Variants in SNTG1 observed in about 807,000 individuals in gnomAD.
SNTG1 encodes the protein gamma-1-syntrophin.
SNTG1 carries 39 observed loss-of-function variants against 74.7 expected under a neutral mutation model. The ratio of observed to expected loss-of-function variants is 0.52; its 90% CI spans 0.40 to 0.68. SNTG1 has a LOEUF of 0.68. SNTG1 is among the 30% of genes least tolerant of loss of function. SNTG1 has a pLI of 0.00. For synonymous variants in SNTG1, 254 were observed against 217.1 expected (o/e 1.17, Z -1.49); for missense variants, 685 against 609.5 (o/e 1.12, Z -1.30).
Position 50,792,980 on chromosome 8 carries a change from C to T in SNTG1, c.*151C>T. 1.4e-6 allele frequency: 1 copy of T among 691,064 alleles called. No individual in the cohort carries two copies. Among genetic ancestry groups the T allele is most frequent in the East Asian group, 2.8e-5 (1 of 35,170 alleles). The allele number at this position is 691,064 out of a possible 1,614,324, so 42.8% of individuals were successfully genotyped here. On this transcript the variant is annotated 3_prime_UTR_variant, in exon 19 of 19. Transcript: ENST00000642720. ...AGAAAAAGAAGGTCATGTGGAACCT[C>T]AAAAACACTTCTATTCTGGATGACA...
At chr8:50,670,876 A>G (rs2095278043) in intron 15 of SNTG1, among the ~76,000 whole-genome samples, 2 of 151,752 alleles carry the variant, frequency 1.3e-5, no homozygotes, top group African/African-American at 4.9e-5. Flanking sequence ...CAGAGCCCTC[A>G]GAAATGACGC....
chr8:50,069,458 A>G (rs1478329161), intron 1 of SNTG1, among the ~76,000 whole-genome samples: 1 of 152,188 alleles, frequency 6.6e-6, no homozygotes, highest in Non-Finnish European at 1.5e-5. Context: ...GCATGGAAAA[A>G]TGTTCACAAT....
At chr8:50,105,744 G>A (rs970703448) in intron 1 of SNTG1, among the ~76,000 whole-genome samples, 4 of 151,952 alleles carry the variant, frequency 2.6e-5, no homozygotes, top group South Asian at 4.2e-4. Flanking sequence ...GAGAAATTTC[G>A]CTTTCCTGGT....
intron 4 of SNTG1, among the ~76,000 whole-genome samples, chr8:50,426,461 A>G: frequency 6.6e-6 from 1 of 151,868 alleles, no homozygotes; most frequent in South Asian, 2.1e-4. Context: ...AAAATAAAAT[A>G]ATAATAATAA....
At chr8:50,194,618 G>T (rs2083696431) in intron 2 of SNTG1, among the ~76,000 whole-genome samples, 1 of 151,964 alleles carries the variant, frequency 6.6e-6, no homozygotes, top group Admixed American at 6.6e-5. Flanking sequence ...CAAAGAACCA[G>T]CTTTTTGTTT....
chr8:49,962,886 C>T (rs1358631059), intron 1 of SNTG1, among the ~76,000 whole-genome samples: 1 of 152,200 alleles, frequency 6.6e-6, no homozygotes, highest in East Asian at 1.9e-4. Flanking sequence ...AGCCACTGCG[C>T]CCAACAAAGA....
At chr8:49,928,390 C>T (rs752226530) in intron 1 of SNTG1, among the ~76,000 whole-genome samples, 19 of 151,744 alleles carry the variant, frequency 1.3e-4, no homozygotes, top group Non-Finnish European at 2.1e-4. Context: ...ACCACCGTGC[C>T]CAGCCAATTT....
chr8:49,935,050 T>A (rs868444439), intron 1 of SNTG1, among the ~76,000 whole-genome samples: 29 of 152,068 alleles, frequency 1.9e-4, no homozygotes, highest in Non-Finnish European at 7.4e-5. Flanking sequence ...ACCATAAAGG[T>A]TGAAGAAGGC....
intron 13 of SNTG1, among the ~76,000 whole-genome samples, chr8:50,603,048 T>G (rs148946199): frequency 6.6e-6 from 1 of 152,166 alleles, no homozygotes; most frequent in South Asian, 2.1e-4. Flanking sequence ...ACTTGAATGT[T>G]ATCTTTCTCT....
At chr8:50,370,986 T>C (rs1484224986) in intron 2 of SNTG1, among the ~76,000 whole-genome samples, 3 of 152,138 alleles carry the variant, frequency 2.0e-5, no homozygotes, top group Non-Finnish European at 4.4e-5. Context: ...GGATAATAAT[T>C]TTTTGATAGG....
At chr8:50,653,903 A>G (rs1449173360) in intron 13 of SNTG1, among the ~76,000 whole-genome samples, 1 of 152,208 alleles carries the variant, frequency 6.6e-6, no homozygotes, top group African/African-American at 2.4e-5. Flanking sequence ...GTGTGGTATT[A>G]CAGGAGAGTA....
chr8:50,467,776 T>A (rs1025027653), intron 8 of SNTG1, among the ~76,000 whole-genome samples: 1 of 151,948 alleles, frequency 6.6e-6, no homozygotes, highest in African/African-American at 2.4e-5. Context: ...TTCAATGGTT[T>A]AAATTTATCT....
intron 13 of SNTG1, among the ~76,000 whole-genome samples, chr8:50,635,095 C>T (rs188849292): frequency 4.6e-5 from 7 of 152,178 alleles, no homozygotes; most frequent in African/African-American, 1.2e-4. Flanking sequence ...AACGTCAGCT[C>T]AAACTCCCAA....
chr8:49,966,386 T>A (rs921080424), intron 1 of SNTG1, among the ~76,000 whole-genome samples: 11 of 152,140 alleles, frequency 7.2e-5, no homozygotes, highest in South Asian at 6.2e-4. Context: ...AGTCTTTTTT[T>A]AAATTAATTA....
At chr8:50,309,731 A>C (rs558411654) in intron 2 of SNTG1, among the ~76,000 whole-genome samples, 1 of 152,326 alleles carries the variant, frequency 6.6e-6, no homozygotes, top group Non-Finnish European at 1.5e-5. Context: ...GACGAAGTGG[A>C]GATTAAAGGA....
At chr8:50,014,822 C>A (rs1816158244) in intron 1 of SNTG1, among the ~76,000 whole-genome samples, 1 of 151,862 alleles carries the variant, frequency 6.6e-6, no homozygotes, top group Admixed American at 6.6e-5. Context: ...AGTGGCCACA[C>A]ACAGCAGGAA....
intron 4 of SNTG1, among the ~76,000 whole-genome samples, chr8:50,418,076 A>G (rs2093036256): frequency 6.6e-6 from 1 of 151,290 alleles, no homozygotes; most frequent in African/African-American, 2.4e-5. Flanking sequence ...ATAAAACCAA[A>G]CTCTCTCTTG....
At chr8:50,044,639 G>T (rs1014621215) in intron 1 of SNTG1, among the ~76,000 whole-genome samples, 1 of 152,142 alleles carries the variant, frequency 6.6e-6, no homozygotes, top group Admixed American at 6.5e-5. Context: ...AATAAACTCT[G>T]CAAGAGAACT....
intron 1 of SNTG1, among the ~76,000 whole-genome samples, chr8:50,080,352 TGAGTATA>T (rs2131072511): frequency 6.6e-6 from 1 of 152,308 alleles, no homozygotes; most frequent in East Asian, 1.9e-4. Flanking sequence ...TTTATGTCCT[TGAGTATA>T]AGATGTGTTT....
Sources: gnomAD v4.1 joint callset for allele counts (sites outside exome capture counted in the v4.1 genomes callset) on GRCh38, gnomAD v4.1.1 for gene constraint, MANE v1.5 for transcripts, NCBI Gene and HGNC (gene_info 2026-07-23, HGNC 2026-07-21) for gene names.